Variants in TOP1MT observed in about 807,000 individuals in gnomAD.
TOP1MT encodes DNA topoisomerase I mitochondrial.
TOP1MT carries 80 observed loss-of-function variants against 73.9 expected under a neutral mutation model. That is an observed-to-expected ratio of 1.08 (90% CI 0.90 to 1.30). The LOEUF (loss-of-function observed/expected upper bound fraction) is 1.30, where lower values mean the gene tolerates loss of function less well. Ranked by LOEUF, TOP1MT falls within the 50% of genes most tolerant of loss-of-function variation. The pLI is 0.00. For missense variants in TOP1MT, 815 were observed against 808.0 expected (o/e 1.01, Z -0.10); for synonymous variants, 338 against 326.4 (o/e 1.04, Z -0.38).
intron 1 of TOP1MT, among the ~76,000 whole-genome samples, chr8:143,350,893 G>A (rs111669713): frequency 6.6e-6 from 1 of 151,924 alleles, no homozygotes; most frequent in African/African-American, 2.4e-5. Context: ...GACTGTCCTC[G>A]ACCACACTTG....
chr8:143,331,448 G>T, intron 1 of TOP1MT, 109 bp from the exon 2 acceptor site: 2 of 849,996 alleles, frequency 2.4e-6, no homozygotes, highest in South Asian at 1.8e-5. Flanking sequence ...TGAGCAGTGT[G>T]GCCTCCACCT....
chr8:143,324,769 G>C, intron 5 of TOP1MT, 140 bp from the exon 6 acceptor site: 1 of 1,037,050 alleles, frequency 9.6e-7, no homozygotes, highest in Middle Eastern at 2.9e-4. Context: ...CATCAGAGGT[G>C]GCCTGCCTGG....
chr8:143,309,621 C>A (rs1563750451), intron 13 of TOP1MT, 78 bp from the exon 14 acceptor site: 1 of 1,593,496 alleles, frequency 6.3e-7, no homozygotes, highest in Admixed American at 1.7e-5. Context: ...TCGGCAAGGG[C>A]GAGCGTCCTC....
intron 13 of TOP1MT, chr8:143,309,856 G>A (rs1815956466): frequency 6.5e-7 from 1 of 1,536,528 alleles, no homozygotes; most frequent in African/African-American, 1.4e-5. Flanking sequence ...GCCACTGTCA[G>A]CACCCCCACT....
At chr8:143,337,549 A>C (rs1484723810), upstream of TOP1MT, among the ~76,000 whole-genome samples, 1 of 152,336 alleles carries the variant, frequency 6.6e-6, no homozygotes. Context: ...TAGCCAAAAC[A>C]ATGTTTGAAA....
chr8:143,343,014 G>A (rs560425584), intron 2 of TOP1MT, among the ~76,000 whole-genome samples: 253 of 152,086 alleles, frequency 1.7e-3, no homozygotes, highest in African/African-American at 5.8e-3. Flanking sequence ...ACCCACCTCC[G>A]CCTCCCAAAG....
At chr8:143,333,857 A>C (rs1816922520) in intron 1 of TOP1MT, 1 of 152,390 alleles carries the variant, frequency 6.6e-6, no homozygotes, top group African/African-American at 2.4e-5. Context: ...CCCCAGCTCC[A>C]AGCGCAGGCC....
At chr8:143,309,853 T>C in intron 13 of TOP1MT, 5 of 1,536,338 alleles carry the variant, frequency 3.3e-6, no homozygotes, top group Non-Finnish European at 4.4e-6. Flanking sequence ...CAGGCCACTG[T>C]CAGCACCCCC....
intron 5 of TOP1MT, 124 bp from the exon 6 acceptor site, chr8:143,324,753 G>A: frequency 7.9e-7 from 1 of 1,268,342 alleles, no homozygotes; most frequent in Non-Finnish European, 1.1e-6. Context: ...TCCTGACCGA[G>A]TCTGGCATCA....
At chr8:143,321,564 CACGCACGCCACACAG>C (rs1483605568) in intron 7 of TOP1MT, among the ~76,000 whole-genome samples, 178 bp from the exon 8 acceptor site, 2 of 127,642 alleles carry the variant, frequency 1.6e-5, no homozygotes, top group African/African-American at 2.8e-5. Context: ...ACGCCACACA[CACGCACGCCACACAG>C]GCACGCCACA....
chr8:143,329,946 G>A (rs537107788), intron 2 of TOP1MT, among the ~76,000 whole-genome samples: 3 of 152,188 alleles, frequency 2.0e-5, no homozygotes, highest in South Asian at 2.1e-4. Flanking sequence ...TAGAGATGGG[G>A]GGTGAGCTGG....
chr8:143,335,524 G>C (rs1263689719), upstream of TOP1MT, among the ~76,000 whole-genome samples: 1 of 152,222 alleles, frequency 6.6e-6, no homozygotes, highest in Non-Finnish European at 1.5e-5. Context: ...AGTCCCCAGC[G>C]TGACTGCTGA....
chr8:143,321,025 A>G (rs559430145), intron 8 of TOP1MT, among the ~76,000 whole-genome samples, 176 bp downstream of exon 8: 1 of 152,222 alleles, frequency 6.6e-6, no homozygotes, highest in Non-Finnish European at 1.5e-5. Context: ...TGGGTCTACC[A>G]TGGTGCACAG....
At chr8:143,328,016 A>G (rs1271230431) in intron 3 of TOP1MT, among the ~76,000 whole-genome samples, 2 of 152,236 alleles carry the variant, frequency 1.3e-5, no homozygotes, top group East Asian at 3.8e-4. Flanking sequence ...CTTAGACAAA[A>G]CAACAAAAGC....
At chr8:143,330,540 G>A (rs144874705) in intron 2 of TOP1MT, among the ~76,000 whole-genome samples, 7 of 152,392 alleles carry the variant, frequency 4.6e-5, no homozygotes, top group South Asian at 2.1e-4. Context: ...CATGTGACTC[G>A]GCAGGGGGCC....
intron 7 of TOP1MT, among the ~76,000 whole-genome samples, chr8:143,322,516 C>CA (rs1816480080): frequency 1.5e-5 from 1 of 66,384 alleles, no homozygotes; most frequent in Non-Finnish European, 3.5e-5. Context: ...AGGCACGCCA[C>CA]ACAACAGGCA....
chr8:143,329,530 G>A (rs1816796564), intron 2 of TOP1MT, 59 bp from the exon 3 acceptor site: 1 of 1,576,116 alleles, frequency 6.3e-7, no homozygotes, highest in Middle Eastern at 1.7e-4. Flanking sequence ...GCCTCCAGCT[G>A]ACATGACCTC....
Position 143,315,993 on chromosome 8 carries a change from T to C in TOP1MT, c.1458+6A>G. ...CTGGGCTGGGGGCTCTCCTGGGAGCTGCTACCTTCGTCTGGAGATTCTGCA... is the reference window on the plus strand; with the variant it reads ...CTGGGCTGGGGGCTCTCCTGGGAGCCGCTACCTTCGTCTGGAGATTCTGCA... On this transcript the variant is annotated splice_donor_region_variant and intron_variant, in intron 11 of 13. Transcript: ENST00000329245. 1.2e-6 allele frequency: 2 copies of C among 1,614,166 alleles called. No individual in the cohort carries two copies. Among genetic ancestry groups the C allele is most frequent in the Non-Finnish European group, 1.7e-6 (2 of 1,179,992 alleles).
Position 143,321,403 on chromosome 8 carries a change from G to A in TOP1MT, c.961-17C>T. 1.3e-6 allele frequency: 2 copies of A among 1,563,820 alleles called. No homozygotes were observed. Among genetic ancestry groups the A allele is most frequent in the Non-Finnish European group, 1.7e-6 (2 of 1,149,098 alleles). On this transcript the variant is annotated splice_polypyrimidine_tract_variant and intron_variant, in intron 7 of 13. Coordinates refer to ENST00000329245, the MANE Select transcript of TOP1MT (RefSeq NM_052963.3). ...CAGTGCCAGCTAGTTGGTGGGGAAT[G>A]GTCAAAGTGGGTGGTGCGTGCACAC... is the stretch of plus-strand genomic sequence containing the variant.
Sources: allele counts gnomAD v4.1 joint callset (sites outside exome capture counted in the v4.1 genomes callset), GRCh38; gene constraint gnomAD v4.1.1; transcripts MANE v1.5; gene names NCBI Gene and HGNC (gene_info 2026-07-23, HGNC 2026-07-21).